Variants in ELOVL5 observed in about 807,000 individuals in gnomAD.
ELOVL5 encodes the protein ELOVL fatty acid elongase 5.
A neutral mutation model predicts 38.6 loss-of-function variants in ELOVL5; 8 were observed. The observed-to-expected ratio is 0.21, with a 90% confidence interval of 0.12 to 0.37. ELOVL5 has a LOEUF of 0.37. ELOVL5 is among the 10% of genes least tolerant of loss of function. ELOVL5 has a pLI of 1.00. For synonymous variants in ELOVL5, 127 were observed against 133.7 expected (o/e 0.95, Z 0.34); for missense variants, 280 against 367.8 (o/e 0.76, Z 1.95).
intron 1 of ELOVL5, among the ~76,000 whole-genome samples, chr6:53,323,050 A>G (rs1047541743): frequency 3.3e-5 from 5 of 152,206 alleles, no homozygotes; most frequent in Non-Finnish European, 7.3e-5. Context: ...TCTTCTCAGT[A>G]AGTTCAGTTA....
At chr6:53,271,362 CAAA>C (rs1765914031) in intron 6 of ELOVL5, among the ~76,000 whole-genome samples, 1 of 152,088 alleles carries the variant, frequency 6.6e-6, no homozygotes, top group South Asian at 2.1e-4. Context: ...CCATCCTGGC[CAAA>C]ATGGTGAAAC....
Position 53,291,930 on chromosome 6 carries a change from T to C in ELOVL5, c.92A>G (p.Asn31Ser), listed in dbSNP as rs746018620. ...AGAGCAGATAAATGTGGGTATATAA[T>C]TGTCCAGAAGAAACCATCCTTTTAC... ...TRVKGWFLLD[N>S]YIPTFICSVI... Residue 31 changes from asparagine to serine, a missense_variant, in exon 3 of 8, where the codon AAT (asparagine) becomes AGT (serine). Asn to Ser is a conservative substitution (Grantham distance 46, BLOSUM62 1). Transcript: ENST00000304434. 30 of 1,602,880 alleles carry C rather than the reference T, an allele frequency of 1.9e-5. No homozygotes were observed. Among genetic ancestry groups the C allele is most frequent in the Non-Finnish European group, 2.4e-5 (28 of 1,173,454 alleles).
At chr6:53,291,189 A>T (rs911535394) in intron 3 of ELOVL5, among the ~76,000 whole-genome samples, 3 of 152,180 alleles carry the variant, frequency 2.0e-5, no homozygotes, top group Non-Finnish European at 4.4e-5. Flanking sequence ...ATCAAATGTG[A>T]TTTTCAACAT....
chr6:53,293,292 G>A (rs1180031975), intron 2 of ELOVL5, among the ~76,000 whole-genome samples: 1 of 152,064 alleles, frequency 6.6e-6, no homozygotes, highest in African/African-American at 2.4e-5. Context: ...GACAGCCTTT[G>A]CCATTTCTTT....
At chr6:53,271,570 A>T (rs559275907) in intron 6 of ELOVL5, among the ~76,000 whole-genome samples, 65 of 152,208 alleles carry the variant, frequency 4.3e-4, no homozygotes, top group Middle Eastern at 3.4e-3. Context: ...CTCCCCCCAA[A>T]AAAAGGGCTA....
chr6:53,320,088 C>G (rs1268340673), intron 1 of ELOVL5, among the ~76,000 whole-genome samples: 2 of 152,092 alleles, frequency 1.3e-5, no homozygotes, highest in Admixed American at 6.5e-5. Context: ...CTGAGGCAGT[C>G]TGAATCCCTT....
At position 53,343,395 on chromosome 6, in the gene ELOVL5, T is replaced by G. The variant is rs548740858; in HGVS notation, c.-9+5422A>C. ...ATCCAGCTAATTTTTGTATTTTTTG[T>G]ACAGATGGGGTCTTGCCATATTGCC... On this transcript the variant is annotated intron_variant, in intron 1 of 7. Coordinates refer to ENST00000304434, the MANE Select transcript of ELOVL5 (RefSeq NM_021814.5). Among the ~76,000 whole-genome samples, 24 of 152,236 alleles carry G rather than the reference T, an allele frequency of 1.6e-4. No homozygotes were observed. In the East Asian group the frequency reaches 4.4e-3, roughly 28 times the overall value.
intron 1 of ELOVL5, 45 bp from the exon 2 acceptor site, chr6:53,295,752 T>G: frequency 8.5e-7 from 1 of 1,179,834 alleles, no homozygotes. Context: ...ACTCAAAATG[T>G]TTTTTATACA....
At chr6:53,326,537 G>A (rs1189684126) in intron 1 of ELOVL5, among the ~76,000 whole-genome samples, 1 of 152,050 alleles carries the variant, frequency 6.6e-6, no homozygotes, top group African/African-American at 2.4e-5. Context: ...CCCAAGCAGG[G>A]AAAGCTCCCT....
chr6:53,319,594 G>A (rs1408621821), intron 1 of ELOVL5, among the ~76,000 whole-genome samples: 5 of 152,264 alleles, frequency 3.3e-5, no homozygotes, highest in South Asian at 2.1e-4. Flanking sequence ...GTATATGGAT[G>A]TTGGCTTTAT....
intron 1 of ELOVL5, 39 bp from the exon 2 acceptor site, chr6:53,295,746 A>G (rs1375983795): frequency 7.7e-7 from 1 of 1,292,182 alleles, no homozygotes; most frequent in African/African-American, 1.5e-5. Context: ...ATCTCTACTC[A>G]AAATGTTTTT....
intron 3 of ELOVL5, among the ~76,000 whole-genome samples, chr6:53,285,264 C>A (rs1464293105): frequency 6.6e-6 from 1 of 152,198 alleles, no homozygotes; most frequent in East Asian, 1.9e-4. Context: ...GCATTAGTAG[C>A]CTTATTGCTG....
In ELOVL5 at chr6:53,343,175, T is replaced by G. The variant is rs545597067; in HGVS notation, c.-9+5642A>C. ...TGCTGCTGCTGCAATCTCCATCAAC[T>G]GTTCTGACATTTTCCCTCCCTCCCT... On this transcript the variant is annotated intron_variant, in intron 1 of 7. Transcript: ENST00000304434. Among the ~76,000 whole-genome samples, 9 of 151,908 alleles carry G rather than the reference T, an allele frequency of 5.9e-5. No homozygotes were observed. In the South Asian group the frequency reaches 1.0e-3, roughly 18 times the overall value.
In ELOVL5 at chr6:53,267,846, T is replaced by C. The variant is rs1765792832; in HGVS notation, c.*1281A>G. On this transcript the variant is annotated 3_prime_UTR_variant, in exon 8 of 8. Transcript: ENST00000304434. ...GAGGCTAAATTCCGACACTTTAAAA[T>C]GACACACATCATAGGCTTTACCTGT... The C allele has an allele frequency of 1.3e-5, 2 of 152,422 alleles. No homozygotes were observed. Among genetic ancestry groups the C allele is most frequent in the African/African-American group, 4.8e-5 (2 of 41,464 alleles). 9.4% of individuals were successfully genotyped at this position (152,422 alleles called of 1,614,324 possible). A position where few individuals can be genotyped will look rare whatever the true frequency, so the allele number is the denominator to read the frequency against.
At chr6:53,312,612 T>G (rs1767889319) in intron 1 of ELOVL5, among the ~76,000 whole-genome samples, 1 of 152,222 alleles carries the variant, frequency 6.6e-6, no homozygotes, top group Non-Finnish European at 1.5e-5. Flanking sequence ...GTATGCTGGT[T>G]GTGATATTGT....
Position 53,294,413 on chromosome 6 carries a change from T to C in ELOVL5, c.58+1229A>G, listed in dbSNP as rs766691434. ...AAACATTTTTTCTTCTTCCTCTGAA[T>C]GTGCTGCTTGGAGCTGCTGTAGCCA... On this transcript the variant is annotated intron_variant, in intron 2 of 7. Transcript: ENST00000304434. 4.2e-4 allele frequency: 657 copies of C among 1,551,224 alleles called. 3 individuals carry two copies. Among genetic ancestry groups the C allele is most frequent in the Non-Finnish European group, 2.4e-4 (271 of 1,147,356 alleles).
At chr6:53,319,340 C>T (rs1768204773) in intron 1 of ELOVL5, among the ~76,000 whole-genome samples, 9 of 146,164 alleles carry the variant, frequency 6.2e-5, no homozygotes, top group Admixed American at 5.6e-4. Context: ...AGGAAATATC[C>T]GATCTGCATT....
intron 1 of ELOVL5, among the ~76,000 whole-genome samples, chr6:53,330,219 A>T (rs1392395677): frequency 7.2e-6 from 1 of 138,386 alleles, no homozygotes; most frequent in Non-Finnish European, 1.5e-5. Context: ...GGTAACCATA[A>T]CACAGTGGCA....
chr6:53,341,007 T>C (rs577003028), intron 1 of ELOVL5, among the ~76,000 whole-genome samples: 190 of 152,288 alleles, frequency 1.2e-3, no homozygotes, highest in African/African-American at 4.4e-3. Context: ...CTGGATGCCC[T>C]TGGCCAGTCA....
Sources: allele counts gnomAD v4.1 joint callset (sites outside exome capture counted in the v4.1 genomes callset), GRCh38; gene constraint gnomAD v4.1.1; transcripts MANE v1.5; gene names NCBI Gene and HGNC (gene_info 2026-07-23, HGNC 2026-07-21).